The following SCAPER variants were observed in gnomAD, a reference collection of about 807,000 sequenced individuals.
SCAPER encodes S-phase cyclin A associated protein in the ER, also known as S phase cyclin A-associated protein in the endoplasmic reticulum.
A neutral mutation model predicts 182.2 loss-of-function variants in SCAPER; 98 were observed. The observed-to-expected ratio is 0.54, with a 90% CI of 0.46 to 0.64. The LOEUF (loss-of-function observed/expected upper bound fraction) is 0.64. SCAPER is among the 30% of genes least tolerant of loss of function. The probability of loss-of-function intolerance (pLI) is 0.00; values close to 1 mark genes in which losing one functional copy is unlikely to be tolerated. For missense variants in SCAPER, 1,432 were observed against 1,690.0 expected, an observed-to-expected ratio of 0.85 and a Z score of 2.68; for synonymous variants, 605 against 564.6, an observed-to-expected ratio of 1.07 and a Z score of -1.01.
At chr15:76,869,444 G>A (rs535846180) in intron 2 of SCAPER, among the ~76,000 whole-genome samples, 2 of 152,088 alleles carry the variant, frequency 1.3e-5, no homozygotes, top group South Asian at 2.1e-4. Flanking sequence ...AATTAAAAAT[G>A]GGCAAAAGAT....
intron 23 of SCAPER, among the ~76,000 whole-genome samples, chr15:76,570,890 A>G (rs1203322650): frequency 1.3e-5 from 2 of 152,062 alleles, no homozygotes; most frequent in East Asian, 1.9e-4. Context: ...TGTGAATTTG[A>G]GCAGCAAATC....
chr15:76,480,869 G>A (rs1053747919), intron 24 of SCAPER, among the ~76,000 whole-genome samples: 10 of 151,922 alleles, frequency 6.6e-5, no homozygotes, highest in Non-Finnish European at 1.0e-4. Flanking sequence ...TAGCTGGGAC[G>A]ACAGGCGCCT....
chr15:76,478,945 T>C (rs2050875830), intron 24 of SCAPER, among the ~76,000 whole-genome samples: 2 of 152,176 alleles, frequency 1.3e-5, no homozygotes, highest in Admixed American at 1.3e-4. Context: ...TTTGTTTGTT[T>C]TATTCAATGG....
At chr15:76,426,512 T>A (rs1306897683) in intron 26 of SCAPER, among the ~76,000 whole-genome samples, 2 of 152,184 alleles carry the variant, frequency 1.3e-5, no homozygotes. Flanking sequence ...CTGGAGCTGT[T>A]CCTATTTGGC....
intron 17 of SCAPER, among the ~76,000 whole-genome samples, chr15:76,713,729 T>C (rs1481247236): frequency 6.6e-6 from 1 of 151,966 alleles, no homozygotes; most frequent in Non-Finnish European, 1.5e-5. Context: ...TGTATACATA[T>C]GTAACTAACC....
intron 1 of SCAPER, among the ~76,000 whole-genome samples, chr15:76,890,523 G>C (rs1172229926): frequency 1.3e-5 from 2 of 152,172 alleles, no homozygotes; most frequent in East Asian, 1.9e-4. Flanking sequence ...ACTACCATCA[G>C]AGAATACTAT....
intron 2 of SCAPER, among the ~76,000 whole-genome samples, chr15:76,873,253 G>A (rs920665395): frequency 5.6e-5 from 8 of 143,254 alleles, no homozygotes; most frequent in Admixed American, 1.5e-4. Flanking sequence ...TCCATCTCCC[G>A]AAAAAGAAAA....
intron 1 of SCAPER, among the ~76,000 whole-genome samples, chr15:76,902,621 T>A (rs997658767): frequency 1.3e-5 from 2 of 152,226 alleles, no homozygotes; most frequent in African/African-American, 4.8e-5. Context: ...ACAATGGATA[T>A]CAGATTGTAC....
chr15:76,847,023 A>C (rs1320229735), intron 4 of SCAPER, among the ~76,000 whole-genome samples: 1 of 152,202 alleles, frequency 6.6e-6, no homozygotes, highest in Non-Finnish European at 1.5e-5. Flanking sequence ...TAAAAAAAAA[A>C]ATGAGATCCT....
chr15:76,716,386 G>A (rs754357050), intron 17 of SCAPER, among the ~76,000 whole-genome samples: 3 of 151,984 alleles, frequency 2.0e-5, no homozygotes, highest in Non-Finnish European at 2.9e-5. Flanking sequence ...TCATGGCAGG[G>A]TCACAAGAAA....
chr15:76,395,354 G>A (rs906818059), intron 27 of SCAPER, among the ~76,000 whole-genome samples: 1 of 152,144 alleles, frequency 6.6e-6, no homozygotes, highest in East Asian at 1.9e-4. Context: ...TTTCTTTTGG[G>A]TATATACCCA....
intron 17 of SCAPER, among the ~76,000 whole-genome samples, chr15:76,706,588 G>A (rs190399427): frequency 2.1e-4 from 32 of 152,212 alleles, no homozygotes; most frequent in East Asian, 1.7e-3. Flanking sequence ...TTCCCATGCC[G>A]GCAGAAGGTG....
At position 76,800,351 on chromosome 15, in the gene SCAPER, C is replaced by T. The variant is rs1326769754; in HGVS notation, c.508G>A (p.Ala170Thr). The change falls in exon 7 of 32, where the codon GCA becomes ACA. Residue 170 changes from alanine to threonine, a missense_variant. This residue lies in a region of SCAPER where 480 missense variants were observed against 510.2 expected (regional missense o/e 0.94). Coordinates refer to ENST00000563290, the MANE Select transcript of SCAPER (RefSeq NM_020843.4). ...GGAGACATCTTCTTTACTTCCCATG[C>T]CAATGATGTTGGTCTGCGAATTCAA... ...TDAQSRPTSL[A>T]WEVKKMSPGR... 1.2e-6 allele frequency: 2 copies of T among 1,608,098 alleles called. No homozygotes were observed. The highest frequency in any genetic ancestry group is 1.3e-5 in the African/African-American group (1 of 74,744).
chr15:76,359,704 CTTG>C (rs1315914591), intron 29 of SCAPER, among the ~76,000 whole-genome samples: 2 of 152,214 alleles, frequency 1.3e-5, no homozygotes, highest in African/African-American at 2.4e-5. Context: ...GGCAGCCTTT[CTTG>C]TTCAACCCAA....
intron 16 of SCAPER, among the ~76,000 whole-genome samples, chr15:76,730,134 A>G (rs2060833838): frequency 6.6e-6 from 1 of 152,142 alleles, no homozygotes; most frequent in Non-Finnish European, 1.5e-5. Flanking sequence ...AAAAATAACA[A>G]AGCAATTTCT....
intron 20 of SCAPER, among the ~76,000 whole-genome samples, chr15:76,690,251 T>C (rs1249001163): frequency 6.6e-6 from 1 of 151,772 alleles, no homozygotes; most frequent in Non-Finnish European, 1.5e-5. Flanking sequence ...AGGGTAATCA[T>C]GAGAAAAAAA....
intron 22 of SCAPER, among the ~76,000 whole-genome samples, chr15:76,610,416 C>T (rs1396186459): frequency 6.6e-6 from 1 of 152,158 alleles, no homozygotes; most frequent in Non-Finnish European, 1.5e-5. Context: ...TGCTATTGAG[C>T]ACAGTTCTGG....
rs146180512 is a variant in SCAPER at position 76,755,498 on chromosome 15, C to G, written c.1726-1550G>C. 2.7e-3 allele frequency among the ~76,000 whole-genome samples: 408 copies of G among 152,214 alleles called. 1 individual carries two copies. The highest frequency in any genetic ancestry group is 9.5e-3 in the African/African-American group (395 of 41,524). On this transcript the variant is annotated intron_variant, in intron 14 of 31. Transcript: ENST00000563290. ...TGCATATTTATATTCCTTTCTAATA[C>G]CAGAAGGTAACGAAAGAGTTCACCT... is the stretch of plus-strand genomic sequence containing the variant.
intron 21 of SCAPER, among the ~76,000 whole-genome samples, chr15:76,637,499 C>T (rs2053699445): frequency 6.6e-6 from 1 of 151,734 alleles, no homozygotes; most frequent in Non-Finnish European, 1.5e-5. Context: ...GAGTTTGAGA[C>T]CAGCCTGGGC....
Sources: gnomAD v4.1 joint callset for allele counts (sites outside exome capture counted in the v4.1 genomes callset) on GRCh38, gnomAD v4.1.1 for gene constraint, gnomAD v4.1.1 regional missense constraint, MANE v1.5 for transcripts, NCBI Gene and HGNC (gene_info 2026-07-23, HGNC 2026-07-21) for gene names.